Variants in CRHR1 observed in about 807,000 individuals in gnomAD.
The protein encoded by CRHR1 is corticotropin-releasing hormone receptor 1.
CRHR1 carries 28 observed loss-of-function variants against 56.0 expected under a neutral mutation model. The observed-to-expected ratio is 0.50, with a 90% CI of 0.37 to 0.69. CRHR1 has a LOEUF of 0.69. Among genes scored for constraint, CRHR1 ranks in the 30% least tolerant of loss-of-function variants. The pLI is 0.00. For synonymous variants in CRHR1, 195 were observed against 216.5 expected, an observed-to-expected ratio of 0.90 and a Z score of 0.87; for missense variants, 376 against 548.0, an observed-to-expected ratio of 0.69 and a Z score of 3.13.
chr17:45,822,572 C>T (rs2062065509), intron 4 of CRHR1, among the ~76,000 whole-genome samples: 1 of 152,214 alleles, frequency 6.6e-6, no homozygotes, highest in Admixed American at 6.5e-5. Flanking sequence ...TGGAGACTCT[C>T]CTTCCCATCT....
chr17:45,802,684 A>C (rs1171573013), intron 1 of CRHR1, among the ~76,000 whole-genome samples: 2 of 152,182 alleles, frequency 1.3e-5, no homozygotes, highest in Non-Finnish European at 2.9e-5. Context: ...GCATAACGCA[A>C]CACCAGTCCT....
In CRHR1 at chr17:45,829,293, G is replaced by T. The variant is rs747059493; in HGVS notation, c.406G>T (p.Val136Leu). Reference protein sequence around the residue: ...GHCISLVALLVAFVLFLRLRS... With the variant: ...GHCISLVALLLAFVLFLRLRS... Reference sequence around the variant, plus strand: ...CTGTATCTCCCTGGTGGCCCTCCTGGTGGCCTTTGTCCTCTTTCTGCGGCT... The same window carrying T: ...CTGTATCTCCCTGGTGGCCCTCCTGTTGGCCTTTGTCCTCTTTCTGCGGCT... Residue 136 changes from valine to leucine, a missense_variant, in exon 5 of 13, where the codon GTG (valine) becomes TTG (leucine). Coordinates refer to ENST00000314537, the MANE Select transcript of CRHR1 (RefSeq NM_004382.5). 2.5e-6 allele frequency: 4 copies of T among 1,614,048 alleles called. No individual in the cohort carries two copies. The South Asian group carries it at 3.3e-5, about 13-fold the overall frequency.
chr17:45,832,168 G>A (rs1357893071), intron 8 of CRHR1, among the ~76,000 whole-genome samples: 1 of 152,210 alleles, frequency 6.6e-6, no homozygotes, highest in African/African-American at 2.4e-5. Context: ...GGAGGCAGAG[G>A]TTGCAGTGAG....
At chr17:45,812,655 C>T (rs2061844917) in intron 2 of CRHR1, among the ~76,000 whole-genome samples, 1 of 152,146 alleles carries the variant, frequency 6.6e-6, no homozygotes, top group Non-Finnish European at 1.5e-5. Context: ...GGATGGACAC[C>T]CTCTCTGTCC....
At chr17:45,829,735 T>C in intron 5 of CRHR1, 1 of 1,340,510 alleles carries the variant, frequency 7.5e-7, no homozygotes, top group Non-Finnish European at 1.0e-6. Flanking sequence ...GCATCAGGGC[T>C]GGAGGCTGGG....
Position 45,833,552 on chromosome 17 carries a change from C to A in CRHR1, c.929+15C>A. 1.2e-6 allele frequency: 2 copies of A among 1,612,936 alleles called. No homozygotes were observed. The highest frequency in any genetic ancestry group is 1.7e-6 in the Non-Finnish European group (2 of 1,179,056). On this transcript the variant is annotated intron_variant, in intron 10 of 12. Coordinates refer to ENST00000314537, the MANE Select transcript of CRHR1 (RefSeq NM_004382.5). ...ATTCAGTACAGGTAACCGGGTACCA[C>A]CTTCCTCAGGCCTCCCCCTGATGAA...
chr17:45,816,707 G>C (rs2143065810), intron 3 of CRHR1, 125 bp downstream of exon 3: 1 of 1,455,324 alleles, frequency 6.9e-7, no homozygotes, highest in Non-Finnish European at 9.2e-7. Context: ...GATCGCCCCT[G>C]TTTTCCAAAG....
intron 4 of CRHR1, among the ~76,000 whole-genome samples, chr17:45,824,084 C>T (rs2062104562): frequency 6.6e-6 from 1 of 152,178 alleles, no homozygotes; most frequent in Admixed American, 6.5e-5. Context: ...TCCTCCTGGA[C>T]TGGGGGAAGG....
At chr17:45,810,914 C>G (rs1050027761) in intron 2 of CRHR1, among the ~76,000 whole-genome samples, 1 of 152,266 alleles carries the variant, frequency 6.6e-6, no homozygotes, top group African/African-American at 2.4e-5. Flanking sequence ...TCCCACAGCA[C>G]ATTCCTCTGA....
chr17:45,827,130 C>G (rs953755448), intron 4 of CRHR1: 1 of 152,346 alleles, frequency 6.6e-6, no homozygotes, highest in Non-Finnish European at 1.5e-5. Flanking sequence ...GGAGCAGTCT[C>G]CAAGGGCAGC....
Position 45,833,165 on chromosome 17 carries a change from G to C in CRHR1, c.798G>C (p.Val266=). ...GCTGGTTTGGCAAAAGGCCTGGGGT[G>C]TACACCGACTACATCTACCAGGGCC... The part of the protein sequence containing the change: ...EKCWFGKRPG[V]YTDYIYQGPM... The change falls in exon 9 of 13, where the codon GTG becomes GTC. Residue 266 remains valine (V), a synonymous_variant. Coordinates refer to ENST00000314537, the MANE Select transcript of CRHR1 (RefSeq NM_004382.5). The C allele has an allele frequency of 6.2e-7, 1 of 1,614,176 alleles. No homozygotes were observed. Among genetic ancestry groups the C allele is most frequent in the Middle Eastern group, 1.6e-4 (1 of 6,062 alleles).
intron 4 of CRHR1, among the ~76,000 whole-genome samples, chr17:45,824,909 G>T (rs963852463): frequency 2.6e-5 from 4 of 151,994 alleles, no homozygotes; most frequent in African/African-American, 9.7e-5. Flanking sequence ...ACACCTGGGG[G>T]AGTGACCCGC....
intron 1 of CRHR1, among the ~76,000 whole-genome samples, chr17:45,801,903 G>A (rs945253638): frequency 1.3e-5 from 2 of 152,148 alleles, no homozygotes; most frequent in African/African-American, 4.8e-5. Context: ...AGAAGTGGAG[G>A]AAGCCAAGAA....
chr17:45,833,693 T>TGGGGGGGGGGGCGGCGC, intron 10 of CRHR1, 21 bp from the exon 11 acceptor site: 1 of 1,571,618 alleles, frequency 6.4e-7, no homozygotes, highest in Non-Finnish European at 8.7e-7. Context: ...ACTCCGAGCC[T>TGGGGGGGGGGGCGGCGC]CCCCACCCGC....
chr17:45,820,114 A>G (rs78506181), intron 3 of CRHR1, among the ~76,000 whole-genome samples: 21,819 of 152,182 alleles, frequency 0.14, 2,135 homozygotes, highest in Middle Eastern at 0.22. Flanking sequence ...CTGGGACTCC[A>G]GCAGCTTTCC....
In CRHR1 at chr17:45,784,762, G is replaced by A. The variant is rs948532186; in HGVS notation, c.33+185G>A. On this transcript the variant is annotated intron_variant, in intron 1 of 12. Coordinates refer to ENST00000314537, the MANE Select transcript of CRHR1 (RefSeq NM_004382.5). This position sits in a 1 kb window ranked among gnomAD's most constrained non-coding sequence, Gnocchi z 4.2. ...TTGGAGCCAGGGTTGGGTAGGCAGG[G>A]GGAGACTCAGGTGAGAAAAGAAATC... 1.3e-5 allele frequency among the ~76,000 whole-genome samples: 2 copies of A among 152,184 alleles called. No individual in the cohort carries two copies. Among genetic ancestry groups the A allele is most frequent in the African/African-American group, 4.8e-5 (2 of 41,456 alleles).
At chr17:45,805,607 C>G (rs536718959) in intron 1 of CRHR1, among the ~76,000 whole-genome samples, 1 of 152,084 alleles carries the variant, frequency 6.6e-6, no homozygotes, top group African/African-American at 2.4e-5. Context: ...AGGAGCAGAC[C>G]CCAAGAAGAA....
rs2061933098 is a variant in CRHR1, at chr17:45,816,566, C to T, written c.225C>T (p.Val75=). ...VRPCPAFFYG[V]RYNTTNNGYR... ...CCTGCCCTGCCTTTTTCTATGGTGT[C>T]CGCTACAATACCACAAGTAAGGAAG... Residue 75 remains valine, a synonymous_variant, in exon 3 of 13, where the codon GTC becomes GTT. Coordinates refer to ENST00000314537, the MANE Select transcript of CRHR1 (RefSeq NM_004382.5). 6.2e-7 allele frequency: 1 copy of T among 1,614,134 alleles called. No individual in the cohort carries two copies. The highest frequency in any genetic ancestry group is 8.5e-7 in the Non-Finnish European group (1 of 1,180,026).
Position 45,784,559 on chromosome 17 carries a change from G to A in CRHR1, c.15G>A (p.Pro5=), listed in dbSNP as rs1480770747. ...CGAGCCCGAGGATGGGAGGGCACCC[G>A]CAGCTCCGTCTCGTCAAGGTAACAG... MGGH[P]QLRLVKALLL... The change falls in exon 1 of 13, where the codon CCG becomes CCA. Residue 5 remains proline, a synonymous_variant. Coordinates refer to ENST00000314537, the MANE Select transcript of CRHR1 (RefSeq NM_004382.5). This position sits in a 1 kb window ranked among gnomAD's most constrained non-coding sequence, Gnocchi z 4.2. 1.9e-6 allele frequency: 3 copies of A among 1,554,718 alleles called. No homozygotes were observed. Among genetic ancestry groups the A allele is most frequent in the East Asian group, 2.5e-5 (1 of 40,514 alleles).
Sources: gnomAD v4.1 joint callset for allele counts (sites outside exome capture counted in the v4.1 genomes callset) on GRCh38, gnomAD v4.1.1 for gene constraint, Gnocchi (gnomAD v3.1) non-coding constraint, MANE v1.5 for transcripts, NCBI Gene and HGNC (gene_info 2026-07-23, HGNC 2026-07-21) for gene names.